Variants in MIOS observed in about 807,000 individuals in gnomAD.
MIOS encodes meiosis regulator for oocyte development.
In MIOS, 52 loss-of-function variants were observed where a neutral mutation model predicts 96.9. The observed-to-expected ratio is 0.54, with a 90% confidence interval of 0.43 to 0.68. MIOS has a LOEUF of 0.68. Ranked by LOEUF, MIOS falls within the 30% of genes least tolerant of loss-of-function variation. The probability of loss-of-function intolerance (pLI) is 0.00; values close to 1 mark genes in which losing one functional copy is unlikely to be tolerated. For synonymous variants in MIOS, 397 were observed against 359.5 expected, an observed-to-expected ratio of 1.10 and a Z score of -1.18; for missense variants, 1,005 against 1,052.8, an observed-to-expected ratio of 0.95 and a Z score of 0.63.
intron 5 of MIOS, among the ~76,000 whole-genome samples, chr7:7,578,630 A>G (rs1025967165): frequency 6.6e-6 from 1 of 152,192 alleles, no homozygotes; most frequent in Non-Finnish European, 1.5e-5. Context: ...TAGTTACTAC[A>G]TAGATATTAA....
chr7:7,608,227 C>T lies in MIOS; in HGVS notation c.*1135C>T, dbSNP rs1784582672. The T allele has an allele frequency of 6.6e-6, 1 of 151,940 alleles. No individual in the cohort carries two copies. Among genetic ancestry groups the T allele is most frequent in the African/African-American group, 2.4e-5 (1 of 41,396 alleles). 9.4% of individuals were successfully genotyped at this position (151,940 alleles called of 1,614,324 possible). A position where few individuals can be genotyped will look rare whatever the true frequency, so the allele number is the denominator to read the frequency against. ...AGAAATACAAAGAATTTACAAGATG[C>T]TTCTCTGTCATCTGCCATATGCAGA... On this transcript the variant is annotated 3_prime_UTR_variant, in exon 13 of 13. Coordinates refer to ENST00000340080, the MANE Select transcript of MIOS (RefSeq NM_019005.4).
chr7:7,575,437 T>C (rs1783498349), intron 5 of MIOS, among the ~76,000 whole-genome samples: 1 of 152,116 alleles, frequency 6.6e-6, no homozygotes, highest in Non-Finnish European at 1.5e-5. Context: ...GTAACCTTTA[T>C]TATAAATAGT....
At chr7:7,587,999 T>C (rs1333221191) in intron 7 of MIOS, among the ~76,000 whole-genome samples, 1 of 152,204 alleles carries the variant, frequency 6.6e-6, no homozygotes, top group Non-Finnish European at 1.5e-5. Context: ...CAAGAGTGTG[T>C]CTGTTTATGT....
chr7:7,573,559 C>A lies in MIOS; in HGVS notation c.1084C>A (p.Pro362Thr), dbSNP rs772413222. The A allele has an allele frequency of 1.2e-6, 2 of 1,613,834 alleles. No homozygotes were observed. Among genetic ancestry groups the A allele is most frequent in the Admixed American group, 3.3e-5 (2 of 59,998 alleles). Residue 362 changes from proline (P) to threonine (T), a missense_variant, in exon 4 of 13, where the codon CCA becomes ACA. By Grantham distance (38) the Pro-to-Thr change is conservative (BLOSUM62 -1). Coordinates refer to ENST00000340080, the MANE Select transcript of MIOS (RefSeq NM_019005.4). The surrounding 1 kb of genome is among the most constrained non-coding windows in gnomAD (Gnocchi z 5.0). ...TGAAAGGATATCTCTTGCCTGGAGC[C>A]CAATTACATCTTTAATGTGGGCTTG... The part of the protein sequence containing the change: ...VFERISLAWS[P>T]ITSLMWACGR...
intron 9 of MIOS, among the ~76,000 whole-genome samples, chr7:7,589,892 C>T (rs1384986110): frequency 6.6e-6 from 1 of 152,166 alleles, no homozygotes; most frequent in Non-Finnish European, 1.5e-5. Context: ...ATTGGCTTTT[C>T]CTGATCTCAA....
At chr7:7,594,331 G>A (rs569157772) in intron 9 of MIOS, among the ~76,000 whole-genome samples, 1 of 150,572 alleles carries the variant, frequency 6.6e-6, no homozygotes, top group East Asian at 1.9e-4. Flanking sequence ...TTTTTAAATG[G>A]AGTCTCATTC....
At chr7:7,592,733 A>G (rs1784083906) in intron 9 of MIOS, among the ~76,000 whole-genome samples, 1 of 152,126 alleles carries the variant, frequency 6.6e-6, no homozygotes. Context: ...ATGAGAATCT[A>G]ATGCCACCAC....
At chr7:7,577,483 C>T (rs1257696021) in intron 5 of MIOS, among the ~76,000 whole-genome samples, 4 of 152,016 alleles carry the variant, frequency 2.6e-5, no homozygotes, top group Admixed American at 6.6e-5. Flanking sequence ...AATCTGGAGC[C>T]GGGAGCTTTG....
At chr7:7,594,039 T>A (rs943580067) in intron 9 of MIOS, among the ~76,000 whole-genome samples, 1 of 152,156 alleles carries the variant, frequency 6.6e-6, no homozygotes, top group African/African-American at 2.4e-5. Context: ...AAAGTAAATT[T>A]AACTAAAACA....
intron 5 of MIOS, among the ~76,000 whole-genome samples, chr7:7,578,634 A>T (rs890562117): frequency 6.6e-5 from 10 of 152,184 alleles, no homozygotes; most frequent in Non-Finnish European, 1.5e-4. Context: ...TACTACATAG[A>T]TATTAAAATG....
At chr7:7,589,643 C>A in intron 9 of MIOS, 80 bp downstream of exon 9, 1 of 1,447,720 alleles carries the variant, frequency 6.9e-7, no homozygotes, top group Non-Finnish European at 9.4e-7. Flanking sequence ...TAAATATGCA[C>A]TTTTGCTTGC....
intron 11 of MIOS, among the ~76,000 whole-genome samples, chr7:7,602,713 G>GA (rs1410980801): frequency 9.2e-5 from 14 of 152,046 alleles, no homozygotes; most frequent in Admixed American, 3.3e-4. Context: ...TCACAGAATT[G>GA]AAAAAAACTA....
intron 8 of MIOS, 27 bp from the exon 9 acceptor site, chr7:7,589,378 T>C: frequency 6.2e-7 from 1 of 1,606,018 alleles, no homozygotes; most frequent in Non-Finnish European, 8.5e-7. Flanking sequence ...ACAGATTGCT[T>C]TAGAAAAATC....
chr7:7,597,517 T>TATATATATATATATAAA (rs372634070), intron 11 of MIOS, among the ~76,000 whole-genome samples: 13 of 70,438 alleles, frequency 1.8e-4, no homozygotes, highest in South Asian at 9.1e-4. Flanking sequence ...TATATATATA[T>TATATATATATATATAAA]GAAGGCAATA....
rs1035342563 is a variant in MIOS at position 7,573,011 on chromosome 7, A to C, written c.536A>C (p.Tyr179Ser). The C allele has an allele frequency of 6.2e-7, 1 of 1,614,078 alleles. No individual in the cohort carries two copies. Among genetic ancestry groups the C allele is most frequent in the Non-Finnish European group, 8.5e-7 (1 of 1,179,978 alleles). Residue 179 changes from tyrosine to serine, a missense_variant, in exon 4 of 13, where the codon TAT (tyrosine) becomes TCT (serine). Physicochemically the swap from Tyr to Ser is moderately radical, Grantham distance 144 (BLOSUM62 -2). This residue lies in a region of MIOS where 865 missense variants were observed against 887.9 expected (regional missense o/e 0.97). Coordinates refer to ENST00000340080, the MANE Select transcript of MIOS (RefSeq NM_019005.4). This position sits in a 1 kb window ranked among gnomAD's most constrained non-coding sequence, Gnocchi z 5.0. ...ETTLLVTKPL[Y>S]ELGQNDACLS... ...ACATTATTAGTAACAAAACCACTTTATGAGTTAGGACAGAATGATGCTTGT... is the reference window on the plus strand; with the variant it reads ...ACATTATTAGTAACAAAACCACTTTCTGAGTTAGGACAGAATGATGCTTGT...
intron 11 of MIOS, among the ~76,000 whole-genome samples, chr7:7,601,045 ATC>A (rs1784361113): frequency 1.4e-5 from 2 of 141,118 alleles, no homozygotes; most frequent in African/African-American, 5.1e-5. Flanking sequence ...ACATACCAGA[ATC>A]TCTGGGACAC....
rs149138420 is a variant in MIOS at position 7,572,334 on chromosome 7, G to C, written c.-40-102G>C. 8.1e-3 allele frequency: 4,215 copies of C among 520,544 alleles called. 61 individuals carry two copies. The highest frequency in any genetic ancestry group is 0.04 in the South Asian group (862 of 21,328). 32.2% of individuals were successfully genotyped at this position (520,544 alleles called of 1,614,324 possible). A position where few individuals can be genotyped will look rare whatever the true frequency, so the allele number is the denominator to read the frequency against. The stretch of plus-strand genomic sequence containing the variant: ...GAAATACAAATATATTGAAAAAGAG[G>C]GTTCTTGAATAGAGAATTTTCTGAC... On this transcript the variant is annotated intron_variant, in intron 3 of 12. Coordinates refer to ENST00000340080, the MANE Select transcript of MIOS (RefSeq NM_019005.4). This position sits in a 1 kb window ranked among gnomAD's most constrained non-coding sequence, Gnocchi z 4.8.
In MIOS at chr7:7,580,768, C is replaced by T. The variant is rs187344043; in HGVS notation, c.1394-2350C>T. Among the ~76,000 whole-genome samples, 5 of 147,518 alleles carry T rather than the reference C, an allele frequency of 3.4e-5. No homozygotes were observed. The East Asian group carries it at 8.2e-4, about 24-fold the overall frequency. ...CTGGTGCGATCTCGGCTCACTGCAA[C>T]CTCCGCCTCCCAGGTTTAAGCGATT... On this transcript the variant is annotated intron_variant, in intron 5 of 12. Coordinates refer to ENST00000340080, the MANE Select transcript of MIOS (RefSeq NM_019005.4).
At chr7:7,583,407 C>G (rs1783792497) in intron 6 of MIOS, 35 bp downstream of exon 6, 1 of 1,507,494 alleles carries the variant, frequency 6.6e-7, no homozygotes, top group Non-Finnish European at 8.9e-7. Context: ...TAGTTATAAT[C>G]TAAGATGTTA....
Sources: gnomAD v4.1 joint callset for allele counts (sites outside exome capture counted in the v4.1 genomes callset) on GRCh38, gnomAD v4.1.1 for gene constraint, gnomAD v4.1.1 regional missense constraint, Gnocchi (gnomAD v3.1) non-coding constraint, MANE v1.5 for transcripts, NCBI Gene and HGNC (gene_info 2026-07-23, HGNC 2026-07-21) for gene names.